The following KCNB2 variants were observed in gnomAD, a reference collection of about 807,000 sequenced individuals.
KCNB2 encodes the protein potassium voltage-gated channel subfamily B member 2.
A neutral mutation model predicts 61.5 loss-of-function variants in KCNB2; 15 were observed. The observed-to-expected ratio is 0.24, with a 90% CI of 0.16 to 0.38. KCNB2 has a LOEUF of 0.38. Among genes scored for constraint, KCNB2 ranks in the 10% least tolerant of loss-of-function variants. The pLI, the probability that KCNB2 is intolerant of heterozygous loss-of-function variation, is 1.00. For missense variants in KCNB2, 828 were observed against 1,125.2 expected, an observed-to-expected ratio of 0.74 and a Z score of 3.78; for synonymous variants, 457 against 446.0, an observed-to-expected ratio of 1.02 and a Z score of -0.31.
At chr8:72,652,294 G>T (rs1441980427) in intron 2 of KCNB2, among the ~76,000 whole-genome samples, 2 of 152,092 alleles carry the variant, frequency 1.3e-5, no homozygotes, top group African/African-American at 4.8e-5. Context: ...GCCGTAAATT[G>T]CACTTCTGGG....
chr8:72,829,934 A>G (rs140919633), intron 2 of KCNB2, among the ~76,000 whole-genome samples: 1 of 152,068 alleles, frequency 6.6e-6, no homozygotes, highest in Non-Finnish European at 1.5e-5. Flanking sequence ...TGTGAGGATA[A>G]AAGGGTAGTA....
chr8:72,808,584 A>G (rs951205571), intron 2 of KCNB2, among the ~76,000 whole-genome samples: 1 of 152,222 alleles, frequency 6.6e-6, no homozygotes, highest in Non-Finnish European at 1.5e-5. Context: ...AAAGTGGATT[A>G]AAGTTTCAGA....
intron 1 of KCNB2, among the ~76,000 whole-genome samples, chr8:72,549,374 CAT>C (rs1469122104): frequency 6.6e-6 from 1 of 152,202 alleles, no homozygotes; most frequent in Non-Finnish European, 1.5e-5. Flanking sequence ...GTATATTTCT[CAT>C]TCACATAACA....
At chr8:72,902,444 G>T (rs927700605) in intron 2 of KCNB2, among the ~76,000 whole-genome samples, 1 of 152,072 alleles carries the variant, frequency 6.6e-6, no homozygotes, top group Non-Finnish European at 1.5e-5. Context: ...GTGGGGAAAT[G>T]GATGTGGACA....
chr8:72,721,541 G>T (rs535599978), intron 2 of KCNB2, among the ~76,000 whole-genome samples: 2 of 152,306 alleles, frequency 1.3e-5, no homozygotes, highest in South Asian at 4.1e-4. Flanking sequence ...AGAAAAATAA[G>T]ATGTCAAAGG....
intron 2 of KCNB2, among the ~76,000 whole-genome samples, chr8:72,692,383 ATAGT>A (rs1806953973): frequency 2.0e-5 from 3 of 152,300 alleles, no homozygotes; most frequent in South Asian, 4.1e-4. Flanking sequence ...TTCAGCATAG[ATAGT>A]TTAAGAAACA....
intron 1 of KCNB2, among the ~76,000 whole-genome samples, chr8:72,550,914 A>T (rs1282684638): frequency 1.3e-5 from 2 of 152,164 alleles, no homozygotes; most frequent in African/African-American, 4.8e-5. Context: ...GCTGACAGAG[A>T]CAGGCAGGGA....
At chr8:72,768,985 A>G (rs1228148713) in intron 2 of KCNB2, among the ~76,000 whole-genome samples, 2 of 151,786 alleles carry the variant, frequency 1.3e-5, no homozygotes, top group African/African-American at 2.4e-5. Context: ...ACATGGAGAA[A>G]CCCCGTCTCT....
intron 2 of KCNB2, among the ~76,000 whole-genome samples, chr8:72,586,052 C>T (rs1377582846): frequency 6.6e-6 from 1 of 152,182 alleles, no homozygotes; most frequent in African/African-American, 2.4e-5. Context: ...TAAAAAATGA[C>T]ATGGTGATGT....
At chr8:72,549,633 C>T (rs1260150612) in intron 1 of KCNB2, among the ~76,000 whole-genome samples, 1 of 152,156 alleles carries the variant, frequency 6.6e-6, no homozygotes, top group Non-Finnish European at 1.5e-5. Context: ...CTAGCCATCC[C>T]TGCTGTCGTC....
At chr8:72,746,269 T>C (rs1808063054) in intron 2 of KCNB2, among the ~76,000 whole-genome samples, 1 of 152,154 alleles carries the variant, frequency 6.6e-6, no homozygotes, top group Non-Finnish European at 1.5e-5. Flanking sequence ...ACCAAGTGCA[T>C]GTTGTATATT....
chr8:72,799,353 C>T (rs1049823367), intron 2 of KCNB2, among the ~76,000 whole-genome samples: 3 of 152,248 alleles, frequency 2.0e-5, no homozygotes, highest in Admixed American at 6.5e-5. Context: ...CCAATAAATA[C>T]GCATTAAGGA....
At chr8:72,714,085 T>A (rs1563567979) in intron 2 of KCNB2, among the ~76,000 whole-genome samples, 1 of 151,932 alleles carries the variant, frequency 6.6e-6, no homozygotes, top group Non-Finnish European at 1.5e-5. Flanking sequence ...ATGAATGAAA[T>A]GAAGCGTGAA....
chr8:72,597,087 G>A (rs1250652024), intron 2 of KCNB2, among the ~76,000 whole-genome samples: 19 of 133,678 alleles, frequency 1.4e-4, no homozygotes, highest in African/African-American at 4.1e-4. Flanking sequence ...GCAGTGGCAC[G>A]ATCTCGGCTC....
chr8:72,677,141 T>C (rs969441342), intron 2 of KCNB2, among the ~76,000 whole-genome samples: 32 of 151,750 alleles, frequency 2.1e-4, no homozygotes, highest in Non-Finnish European at 1.2e-4. Context: ...ATGCTTGGAG[T>C]CATGCTGCCA....
intron 2 of KCNB2, among the ~76,000 whole-genome samples, chr8:72,828,779 C>T (rs1167281164): frequency 2.6e-5 from 4 of 152,172 alleles, no homozygotes; most frequent in Admixed American, 1.3e-4. Context: ...ACACTACTTA[C>T]CTAAAAGTCC....
At chr8:72,867,632 A>C (rs1281600111) in intron 2 of KCNB2, among the ~76,000 whole-genome samples, 4 of 152,222 alleles carry the variant, frequency 2.6e-5, no homozygotes, top group Non-Finnish European at 5.9e-5. Flanking sequence ...ATTTGTCATG[A>C]ATATAACTAG....
intron 2 of KCNB2, among the ~76,000 whole-genome samples, chr8:72,759,624 C>T (rs943393135): frequency 1.3e-5 from 2 of 152,160 alleles, no homozygotes; most frequent in African/African-American, 2.4e-5. Context: ...GTGATCCACA[C>T]TAACCATTAA....
intron 2 of KCNB2, among the ~76,000 whole-genome samples, chr8:72,669,128 C>G (rs1041141481): frequency 2.0e-5 from 3 of 152,148 alleles, no homozygotes; most frequent in Non-Finnish European, 1.5e-5. Flanking sequence ...CTTTATGAAA[C>G]TGCCCACTTT....
Sources: allele counts gnomAD v4.1 joint callset (sites outside exome capture counted in the v4.1 genomes callset), GRCh38; gene constraint gnomAD v4.1.1; transcripts MANE v1.5; gene names NCBI Gene and HGNC (gene_info 2026-07-23, HGNC 2026-07-21).